Variants in AHR observed in about 807,000 individuals in gnomAD.
The protein encoded by AHR is AH-receptor.
AHR carries 40 observed loss-of-function variants against 86.8 expected under a neutral mutation model. The ratio of observed to expected loss-of-function variants is 0.46; its 90% confidence interval spans 0.36 to 0.60. AHR has a LOEUF of 0.60. AHR is among the 20% of genes least tolerant of loss of function. The pLI is 0.00. For missense variants in AHR, 1,001 were observed against 1,011.6 expected, an observed-to-expected ratio of 0.99 and a Z score of 0.14; for synonymous variants, 398 against 354.9, an observed-to-expected ratio of 1.12 and a Z score of -1.37.
intron 2 of AHR, among the ~76,000 whole-genome samples, chr7:17,311,089 T>C (rs1192691454): frequency 1.3e-5 from 2 of 152,244 alleles, no homozygotes; most frequent in African/African-American, 4.8e-5. Flanking sequence ...AATGGAAGTT[T>C]TTGTTTGCAA....
chr7:17,303,282 C>G (rs1023397728), intron 1 of AHR, among the ~76,000 whole-genome samples: 17 of 151,940 alleles, frequency 1.1e-4, no homozygotes, highest in Admixed American at 9.2e-4. Flanking sequence ...CAGAGTTGCT[C>G]AGATAATGAG....
intron 2 of AHR, among the ~76,000 whole-genome samples, chr7:17,313,009 A>G (rs1782081450): frequency 6.6e-6 from 1 of 152,214 alleles, no homozygotes; most frequent in East Asian, 1.9e-4. Flanking sequence ...GCAAACATAC[A>G]AAATTTAAAG....
chr7:17,336,314 C>G (rs769173581), intron 9 of AHR, among the ~76,000 whole-genome samples: 4 of 152,056 alleles, frequency 2.6e-5, no homozygotes, highest in Non-Finnish European at 5.9e-5. Context: ...GTCATTGTTT[C>G]CCGGCTGCGC....
chr7:17,334,401 A>G (rs561405107), intron 7 of AHR, among the ~76,000 whole-genome samples: 1 of 152,146 alleles, frequency 6.6e-6, no homozygotes, highest in East Asian at 1.9e-4. Flanking sequence ...TTTAAATGGC[A>G]CAAATGTTAT....
At chr7:17,326,528 C>T (rs1782232126) in intron 3 of AHR, among the ~76,000 whole-genome samples, 1 of 152,082 alleles carries the variant, frequency 6.6e-6, no homozygotes, top group African/African-American at 2.4e-5. Flanking sequence ...TTATAGTTCT[C>T]AAAGCATGGT....
intron 3 of AHR, among the ~76,000 whole-genome samples, chr7:17,325,022 A>G (rs553935012): frequency 3.3e-5 from 5 of 152,176 alleles, no homozygotes; most frequent in South Asian, 4.1e-4. Context: ...GAAATTTTAT[A>G]TAACAGTATT....
chr7:17,307,794 AAC>A (rs1238538584), intron 1 of AHR, among the ~76,000 whole-genome samples: 1 of 152,108 alleles, frequency 6.6e-6, no homozygotes, highest in Non-Finnish European at 1.5e-5. Context: ...AGCTTGGTGA[AAC>A]ACAGGCTGAT....
In AHR at chr7:17,301,347, G is replaced by A. The variant is rs1284000836; in HGVS notation, c.65+2018G>A. ...TTTAGAAATGAAGTCATTAAACCTA[G>A]TATTAAATTTGAGTTTTAAAATTAA... is the stretch of plus-strand genomic sequence containing the variant. On this transcript the variant is annotated intron_variant, in intron 1 of 10. Coordinates refer to ENST00000242057, the MANE Select transcript of AHR (RefSeq NM_001621.5). 2.0e-5 allele frequency among the ~76,000 whole-genome samples: 3 copies of A among 151,956 alleles called. No individual in the cohort carries two copies. The South Asian group carries it at 6.2e-4, about 31-fold the overall frequency.
intron 9 of AHR, among the ~76,000 whole-genome samples, chr7:17,337,457 C>T (rs1782365268): frequency 6.7e-6 from 1 of 149,988 alleles, no homozygotes; most frequent in Non-Finnish European, 1.5e-5. Flanking sequence ...TGAAGGGGGG[C>T]ATCTTTTTAC....
In AHR at chr7:17,299,198, C is replaced by A. The variant is rs1042924399; in HGVS notation, c.-67C>A. ...CGCCGGCCGCCGCAGTGGTCCCAGC[C>A]TACACCGGGTTCCGGGGACCCGGCC... On this transcript the variant is annotated 5_prime_UTR_variant, in exon 1 of 11. Coordinates refer to ENST00000242057, the MANE Select transcript of AHR (RefSeq NM_001621.5). 3.2e-6 allele frequency: 5 copies of A among 1,561,256 alleles called. No individual in the cohort carries two copies. The African/African-American group carries it at 6.9e-5, about 21-fold the overall frequency.
rs1415252799 is a variant in AHR at position 17,324,237 on chromosome 7, A to G, written c.360+1630A>G. Reference sequence around the variant, plus strand: ...GATTGCTCTTTTAATAGGAAGACTCACATTCTCTATGATTTTCTTAGGATT... The same window carrying G: ...GATTGCTCTTTTAATAGGAAGACTCGCATTCTCTATGATTTTCTTAGGATT... On this transcript the variant is annotated intron_variant, in intron 3 of 10. Transcript: ENST00000242057. 3.9e-5 allele frequency among the ~76,000 whole-genome samples: 6 copies of G among 152,338 alleles called. No individual in the cohort carries two copies. In the East Asian group the frequency reaches 1.2e-3, roughly 29 times the overall value.
chr7:17,340,032 A>C lies in AHR; in HGVS notation c.2207A>C (p.Glu736Ala). 2 of 1,614,220 alleles carry C rather than the reference A, an allele frequency of 1.2e-6. No homozygotes were observed. The highest frequency in any genetic ancestry group is 1.7e-6 in the Non-Finnish European group (2 of 1,180,040). Reference sequence around the variant, plus strand: ...CCATACCCCACTACTTCTAGTTTAGAAGATTTTGTCACTTGTTTACAACTT... The same window carrying C: ...CCATACCCCACTACTTCTAGTTTAGCAGATTTTGTCACTTGTTTACAACTT... ...PSPYPTTSSL[E>A]DFVTCLQLPE... The change falls in exon 10 of 11, where the codon GAA becomes GCA. Residue 736 changes from glutamate to alanine, a missense_variant. Around this residue, in one of 2 missense-constraint regions of AHR, gnomAD observed 607 missense variants for 543.1 expected, o/e 1.12. Coordinates refer to ENST00000242057, the MANE Select transcript of AHR (RefSeq NM_001621.5).
In AHR at chr7:17,318,297, G is replaced by T. The variant is rs555615362; in HGVS notation, c.254-4204G>T. Among the ~76,000 whole-genome samples, 4 of 152,152 alleles carry T rather than the reference G, an allele frequency of 2.6e-5. No individual in the cohort carries two copies. The South Asian group carries it at 8.3e-4, about 32-fold the overall frequency. ...AGGGAGTAGGGGAAATCTGAGCTTAGATGTCTAAGGAAGGAAAGTACCGTA... is the reference window on the plus strand; with the variant it reads ...AGGGAGTAGGGGAAATCTGAGCTTATATGTCTAAGGAAGGAAAGTACCGTA... On this transcript the variant is annotated intron_variant, in intron 2 of 10. Coordinates refer to ENST00000242057, the MANE Select transcript of AHR (RefSeq NM_001621.5).
intron 9 of AHR, among the ~76,000 whole-genome samples, chr7:17,336,996 TCA>T (rs1280841981): frequency 6.6e-6 from 1 of 152,160 alleles, no homozygotes; most frequent in Non-Finnish European, 1.5e-5. Context: ...AACATATATA[TCA>T]GTTTCCCTTT....
chr7:17,337,506 G>T (rs1404313276), intron 9 of AHR, among the ~76,000 whole-genome samples: 1 of 140,634 alleles, frequency 7.1e-6, no homozygotes. Flanking sequence ...ATGGAGTCTC[G>T]CTCTGTCGCC....
At chr7:17,304,002 T>C (rs187047435) in intron 1 of AHR, among the ~76,000 whole-genome samples, 3 of 152,290 alleles carry the variant, frequency 2.0e-5, no homozygotes, top group Non-Finnish European at 4.4e-5. Flanking sequence ...GAAGCACTTG[T>C]ATTTGCAGAT....
At chr7:17,316,667 G>T (rs970310292) in intron 2 of AHR, among the ~76,000 whole-genome samples, 1 of 152,122 alleles carries the variant, frequency 6.6e-6, no homozygotes, top group Non-Finnish European at 1.5e-5. Flanking sequence ...GAACCTTAAT[G>T]AATTGTACCT....
chr7:17,326,441 G>A (rs1416555311), intron 3 of AHR, among the ~76,000 whole-genome samples: 3 of 152,120 alleles, frequency 2.0e-5, no homozygotes, highest in Non-Finnish European at 4.4e-5. Context: ...CCAGTACTTA[G>A]CATACATATC....
At chr7:17,300,085 A>G (rs1781939257) in intron 1 of AHR, among the ~76,000 whole-genome samples, 3 of 152,230 alleles carry the variant, frequency 2.0e-5, no homozygotes, top group Admixed American at 2.0e-4. Context: ...TTTCATTCTT[A>G]ACATCTACCT....
Sources: gnomAD v4.1 joint callset for allele counts (sites outside exome capture counted in the v4.1 genomes callset) on GRCh38, gnomAD v4.1.1 for gene constraint, gnomAD v4.1.1 regional missense constraint, MANE v1.5 for transcripts, NCBI Gene and HGNC (gene_info 2026-07-23, HGNC 2026-07-21) for gene names.